The following SGCD variants were observed in gnomAD, a reference collection of about 807,000 sequenced individuals.
The protein encoded by SGCD is sarcoglycan delta.
In SGCD, 18 loss-of-function variants were observed where a neutral mutation model predicts 36.6. That is an observed-to-expected ratio of 0.49 (90% CI 0.34 to 0.73). The LOEUF (loss-of-function observed/expected upper bound fraction) is 0.73, where lower values mean the gene tolerates loss of function less well. Among genes scored for constraint, SGCD ranks in the 30% least tolerant of loss-of-function variants. The probability of loss-of-function intolerance (pLI) is 0.01; values close to 1 mark genes in which losing one functional copy is unlikely to be tolerated. For synonymous variants in SGCD, 133 were observed against 130.6 expected (o/e 1.02, Z -0.12); for missense variants, 387 against 346.7 (o/e 1.12, Z -0.92).
chr5:155,819,627 T>G, the SGCD span, among the ~76,000 whole-genome samples: 12 of 152,154 alleles, frequency 7.9e-5, no homozygotes, highest in Non-Finnish European at 1.8e-4. Flanking sequence ...ATTACTTCCT[T>G]AAGGGCACAC....
At chr5:156,221,001 GA>G (rs1764703745) in intron 3 of SGCD, among the ~76,000 whole-genome samples, 1 of 152,148 alleles carries the variant, frequency 6.6e-6, no homozygotes, top group South Asian at 2.1e-4. Context: ...CTCTTGTCAG[GA>G]AAAAACAAAG....
the SGCD span, among the ~76,000 whole-genome samples, chr5:155,758,443 G>T: frequency 9.9e-5 from 15 of 152,134 alleles, no homozygotes; most frequent in African/African-American, 3.6e-4. Flanking sequence ...AGTGAAATTT[G>T]CAAAAAGATA....
At chr5:155,744,922 T>A in the SGCD span, among the ~76,000 whole-genome samples, 1 of 152,234 alleles carries the variant, frequency 6.6e-6, no homozygotes, top group Non-Finnish European at 1.5e-5. Context: ...AATCCACATA[T>A]AGACAAATTG....
At chr5:155,786,230 A>G in the SGCD span, among the ~76,000 whole-genome samples, 1 of 152,202 alleles carries the variant, frequency 6.6e-6, no homozygotes, top group Non-Finnish European at 1.5e-5. Context: ...ATAAGGATTT[A>G]TTGGCTCATG....
At chr5:156,453,477 A>C (rs1754116039) in intron 3 of SGCD, among the ~76,000 whole-genome samples, 1 of 152,184 alleles carries the variant, frequency 6.6e-6, no homozygotes. Context: ...CTGCATTCAC[A>C]ATAGCCCCAA....
At chr5:155,896,304 G>A (rs553726416) in intron 1 of SGCD, among the ~76,000 whole-genome samples, 1 of 152,120 alleles carries the variant, frequency 6.6e-6, no homozygotes, top group Non-Finnish European at 1.5e-5. Flanking sequence ...ATTTTTAAAT[G>A]AAACTCCCTT....
chr5:155,904,658 T>C (rs1227291494), intron 1 of SGCD, among the ~76,000 whole-genome samples: 1 of 152,178 alleles, frequency 6.6e-6, no homozygotes, highest in East Asian at 1.9e-4. Flanking sequence ...GAGGGAGAGA[T>C]AGACAGACAG....
At chr5:156,100,737 G>A (rs1761499246) in intron 1 of SGCD, among the ~76,000 whole-genome samples, 1 of 152,162 alleles carries the variant, frequency 6.6e-6, no homozygotes, top group South Asian at 2.1e-4. Context: ...AAGATATAAA[G>A]ATGAACTCTA....
At chr5:156,219,621 G>A (rs1304354588) in intron 3 of SGCD, among the ~76,000 whole-genome samples, 1 of 152,052 alleles carries the variant, frequency 6.6e-6, no homozygotes, top group Non-Finnish European at 1.5e-5. Context: ...AGAAGTGGCT[G>A]TAACTCTGTA....
chr5:156,545,419 G>A (rs1331964895), intron 4 of SGCD, among the ~76,000 whole-genome samples: 4 of 151,596 alleles, frequency 2.6e-5, no homozygotes, highest in Admixed American at 6.6e-5. Context: ...AGACCCTAAC[G>A]TTTTTGGCAC....
intron 4 of SGCD, among the ~76,000 whole-genome samples, chr5:156,512,257 T>G (rs1756972258): frequency 6.6e-6 from 1 of 151,978 alleles, no homozygotes; most frequent in Non-Finnish European, 1.5e-5. Context: ...TGCATATGTA[T>G]TTTTCAACAA....
intron 3 of SGCD, among the ~76,000 whole-genome samples, chr5:156,410,407 C>T (rs1772674708): frequency 6.6e-6 from 1 of 152,120 alleles, no homozygotes; most frequent in Non-Finnish European, 1.5e-5. Context: ...AGGACTAACA[C>T]CTATTTGGTA....
chr5:156,328,271 C>T (rs1464896265), intron 1 of SGCD, among the ~76,000 whole-genome samples: 2 of 152,200 alleles, frequency 1.3e-5, no homozygotes, highest in South Asian at 2.1e-4. Context: ...ACTGGTTCAG[C>T]CCAAAGCCGA....
rs115227660 is a variant in SGCD at position 156,301,828 on chromosome 5, C to G, written c.-43-27706C>G. On this transcript the variant is annotated intron_variant, in intron 3 of 9. Transcript: ENST00000517913. ...TTTTTCCTCAGCACTTTACATATGTCATGTCACTCTTTTCTGGCCTGTAAG... is the reference window on the plus strand; with the variant it reads ...TTTTTCCTCAGCACTTTACATATGTGATGTCACTCTTTTCTGGCCTGTAAG... 6.1e-3 allele frequency among the ~76,000 whole-genome samples: 913 copies of G among 149,328 alleles called. 13 individuals carry two copies. Among genetic ancestry groups the G allele is most frequent in the African/African-American group, 0.021 (863 of 40,526 alleles).
At chr5:155,780,555 T>C in the SGCD span, among the ~76,000 whole-genome samples, 4 of 152,288 alleles carry the variant, frequency 2.6e-5, no homozygotes, top group South Asian at 6.2e-4. Flanking sequence ...GAGAATTACT[T>C]GTCTTGCTGC....
the SGCD span, among the ~76,000 whole-genome samples, chr5:155,812,153 TA>T: frequency 6.6e-6 from 1 of 152,164 alleles, no homozygotes; most frequent in Non-Finnish European, 1.5e-5. Context: ...GCCTTAACCC[TA>T]AAGAGGCCTA....
intron 1 of SGCD, among the ~76,000 whole-genome samples, chr5:155,875,677 T>C: frequency 6.6e-6 from 1 of 152,014 alleles, no homozygotes; most frequent in East Asian, 1.9e-4. Flanking sequence ...ATGGTATTTT[T>C]ACCCCCTCTT....
At chr5:156,133,716 TA>T (rs1762382384) in intron 3 of SGCD, among the ~76,000 whole-genome samples, 1 of 152,150 alleles carries the variant, frequency 6.6e-6, no homozygotes, top group South Asian at 2.1e-4. Flanking sequence ...CTAATTCAAA[TA>T]GTTACTGTTT....
chr5:156,277,380 G>A (rs1411634533), intron 3 of SGCD, among the ~76,000 whole-genome samples: 1 of 152,186 alleles, frequency 6.6e-6, no homozygotes, highest in Non-Finnish European at 1.5e-5. Flanking sequence ...TCTGGAGCTT[G>A]AAGTTTTGCC....
Sources: gnomAD v4.1 joint callset for allele counts (sites outside exome capture counted in the v4.1 genomes callset) on GRCh38, gnomAD v4.1.1 for gene constraint, MANE v1.5 for transcripts, NCBI Gene and HGNC (gene_info 2026-07-23, HGNC 2026-07-21) for gene names.